Variants in GABRG3 observed in about 807,000 individuals in gnomAD.
GABRG3 encodes gamma-aminobutyric acid type A receptor subunit gamma3.
In GABRG3, 25 loss-of-function variants were observed where a neutral mutation model predicts 48.8. The ratio of observed to expected loss-of-function variants is 0.51; its 90% CI spans 0.37 to 0.72. The LOEUF (loss-of-function observed/expected upper bound fraction) is 0.72. Among genes scored for constraint, GABRG3 ranks in the 30% least tolerant of loss-of-function variants. The pLI, the probability that GABRG3 is intolerant of heterozygous loss-of-function variation, is 0.00. For synonymous variants in GABRG3, 227 were observed against 217.6 expected (o/e 1.04, Z -0.38); for missense variants, 394 against 577.9 (o/e 0.68, Z 3.26).
chr15:27,357,243 T>A (rs1459416347), intron 5 of GABRG3, among the ~76,000 whole-genome samples: 2 of 152,150 alleles, frequency 1.3e-5, no homozygotes, highest in Admixed American at 1.3e-4. Context: ...GTGGAACCAT[T>A]CCTAGTGAGT....
chr15:27,014,336 C>A (rs1895739533), intron 2 of GABRG3, among the ~76,000 whole-genome samples: 1 of 150,832 alleles, frequency 6.6e-6, no homozygotes, highest in South Asian at 2.1e-4. Context: ...TCTTCAGCTA[C>A]ATTTCTTTAT....
At chr15:27,013,812 T>C (rs1566909137) in intron 2 of GABRG3, among the ~76,000 whole-genome samples, 1 of 152,218 alleles carries the variant, frequency 6.6e-6, no homozygotes, top group East Asian at 1.9e-4. Flanking sequence ...ACTTTCTTTT[T>C]TTTCCCCCAG....
At chr15:27,502,878 G>T (rs1387331115) in intron 6 of GABRG3, among the ~76,000 whole-genome samples, 3 of 152,240 alleles carry the variant, frequency 2.0e-5, no homozygotes, top group African/African-American at 7.2e-5. Context: ...TGGAGTTGGG[G>T]TGCGCCACCT....
chr15:27,234,193 T>G (rs954324106), intron 3 of GABRG3, among the ~76,000 whole-genome samples: 22 of 152,206 alleles, frequency 1.4e-4, no homozygotes, highest in Admixed American at 9.2e-4. Flanking sequence ...CTGTGACATT[T>G]GGTTGCTGGA....
chr15:27,063,472 A>G (rs1437918630), intron 3 of GABRG3, among the ~76,000 whole-genome samples: 1 of 152,062 alleles, frequency 6.6e-6, no homozygotes, highest in Non-Finnish European at 1.5e-5. Context: ...TCTAGCTCTG[A>G]GTTTGCACCA....
intron 5 of GABRG3, among the ~76,000 whole-genome samples, chr15:27,456,559 C>T (rs1889285425): frequency 1.3e-5 from 2 of 152,324 alleles, no homozygotes; most frequent in South Asian, 2.1e-4. Flanking sequence ...CAGGAGTCCA[C>T]CAGTGGGTCG....
chr15:27,399,529 C>T (rs773392821), intron 5 of GABRG3, among the ~76,000 whole-genome samples: 9 of 152,158 alleles, frequency 5.9e-5, no homozygotes, highest in South Asian at 2.1e-4. Context: ...AACCATAGTG[C>T]GTTTCCAATT....
At chr15:27,129,158 A>G (rs868491614) in intron 3 of GABRG3, among the ~76,000 whole-genome samples, 15 of 152,208 alleles carry the variant, frequency 9.9e-5, no homozygotes, top group Admixed American at 2.0e-4. Context: ...GTTCAGCCAA[A>G]GAAATTTTCA....
intron 5 of GABRG3, among the ~76,000 whole-genome samples, chr15:27,453,606 T>C (rs1285391614): frequency 6.6e-6 from 1 of 152,138 alleles, no homozygotes; most frequent in Admixed American, 6.5e-5. Flanking sequence ...TTCTTGTTTG[T>C]TTGTTTGTTT....
chr15:27,529,755 A>G (rs563444091), intron 9 of GABRG3, among the ~76,000 whole-genome samples: 3 of 152,220 alleles, frequency 2.0e-5, no homozygotes, highest in South Asian at 4.1e-4. Flanking sequence ...ATCATCACAC[A>G]TAGCCAGCAC....
chr15:27,201,054 G>C (rs1888664656), intron 3 of GABRG3, among the ~76,000 whole-genome samples: 1 of 152,052 alleles, frequency 6.6e-6, no homozygotes, highest in African/African-American at 2.4e-5. Flanking sequence ...ATGTAGAGTT[G>C]GGGAAAGAAA....
intron 6 of GABRG3, among the ~76,000 whole-genome samples, chr15:27,500,818 C>A (rs1890604870): frequency 6.8e-6 from 1 of 147,956 alleles, no homozygotes; most frequent in Non-Finnish European, 1.5e-5. Context: ...TAGTGACCTG[C>A]AGGTGTAATT....
At chr15:27,310,982 T>C (rs1892973971) in intron 3 of GABRG3, among the ~76,000 whole-genome samples, 1 of 152,152 alleles carries the variant, frequency 6.6e-6, no homozygotes, top group Non-Finnish European at 1.5e-5. Flanking sequence ...ATTATAGATT[T>C]AAATATAAAA....
At chr15:27,161,949 A>G (rs1341368576) in intron 3 of GABRG3, among the ~76,000 whole-genome samples, 1 of 152,204 alleles carries the variant, frequency 6.6e-6, no homozygotes, top group Non-Finnish European at 1.5e-5. Context: ...AAACAAAGAT[A>G]AAAGATATCC....
chr15:27,313,075 A>G (rs1893051229), intron 3 of GABRG3, among the ~76,000 whole-genome samples: 1 of 149,250 alleles, frequency 6.7e-6, no homozygotes, highest in Non-Finnish European at 1.5e-5. Context: ...AAAAGAGAGC[A>G]GGGGTGGCTA....
In GABRG3 at chr15:27,348,659, T is replaced by TAC. The variant is rs565596993; in HGVS notation, c.574+19773_574+19774dup. 2.6e-4 allele frequency among the ~76,000 whole-genome samples: 40 copies of TAC among 152,304 alleles called. 2 individuals carry two copies. In the East Asian group the frequency reaches 7.7e-3, roughly 29 times the overall value. ...AGTGCAGATAATCTACTAATACTAATACATAATAATGCAAGCCATGACAAG... is the reference window on the plus strand; with the variant it reads ...AGTGCAGATAATCTACTAATACTAATACACATAATAATGCAAGCCATGACAAG... On this transcript the variant is annotated intron_variant, in intron 5 of 9. Transcript: ENST00000615808.
intron 3 of GABRG3, among the ~76,000 whole-genome samples, chr15:27,124,157 A>T (rs1201820675): frequency 6.6e-6 from 1 of 152,186 alleles, no homozygotes; most frequent in Non-Finnish European, 1.5e-5. Context: ...CCTGGGGACA[A>T]ATTGCAATGT....
Position 27,256,420 on chromosome 15 carries a change from G to A in GABRG3, c.271-70389G>A, listed in dbSNP as rs1271918045. 3.8e-5 allele frequency among the ~76,000 whole-genome samples: 5 copies of A among 131,688 alleles called. No homozygotes were observed. In the East Asian group the frequency reaches 7.2e-4, roughly 19 times the overall value. The allele number at this position is 131,688 out of a possible 152,430, so 86.4% of individuals were successfully genotyped here. On this transcript the variant is annotated intron_variant, in intron 3 of 9. Transcript: ENST00000615808. ...GGCGCCACTGCACTCCAGCCTGGGC[G>A]ACAGAGCAAGACTCCGTCTCAAAAA... is the stretch of plus-strand genomic sequence containing the variant.
At chr15:27,314,486 T>G (rs894215975) in intron 3 of GABRG3, among the ~76,000 whole-genome samples, 66 of 152,308 alleles carry the variant, frequency 4.3e-4, no homozygotes, top group African/African-American at 1.5e-3. Context: ...ATACAGCCAC[T>G]ATGGAAAACA....
Sources: gnomAD v4.1 joint callset for allele counts (sites outside exome capture counted in the v4.1 genomes callset) on GRCh38, gnomAD v4.1.1 for gene constraint, MANE v1.5 for transcripts, NCBI Gene and HGNC (gene_info 2026-07-23, HGNC 2026-07-21) for gene names.